The following SSMEM1 variants were observed in gnomAD, a reference collection of about 807,000 sequenced individuals.
SSMEM1 encodes serine-rich single-pass membrane protein 1.
A neutral mutation model predicts 9.9 loss-of-function variants in SSMEM1; 12 were observed. The observed-to-expected ratio is 1.21, with a 90% confidence interval of 0.78 to 1.96. The LOEUF (loss-of-function observed/expected upper bound fraction) is 1.96, where lower values mean the gene tolerates loss of function less well. SSMEM1 is among the 30% of genes most tolerant of loss of function. SSMEM1 has a pLI of 0.00. For synonymous variants in SSMEM1, 96 were observed against 98.9 expected (o/e 0.97, Z 0.17); for missense variants, 259 against 292.2 (o/e 0.89, Z 0.83).
intron 1 of SSMEM1, among the ~76,000 whole-genome samples, chr7:130,212,557 C>G (rs560158249): frequency 1.1e-4 from 16 of 152,080 alleles, no homozygotes; most frequent in African/African-American, 3.4e-4. Flanking sequence ...GAAACCCTGT[C>G]TCTACTAAAA....
intron 2 of SSMEM1, among the ~76,000 whole-genome samples, chr7:130,215,577 A>G (rs886284292): frequency 6.6e-6 from 1 of 152,202 alleles, no homozygotes; most frequent in East Asian, 1.9e-4. Flanking sequence ...TCCTCACACC[A>G]CTACGTAAAG....
At position 130,216,504 on chromosome 7, in the gene SSMEM1, A is replaced by T; in HGVS notation, c.*34A>T. 6.3e-7 allele frequency: 1 copy of T among 1,590,636 alleles called. No homozygotes were observed. Among genetic ancestry groups the T allele is most frequent in the Non-Finnish European group, 8.6e-7 (1 of 1,167,620 alleles). On this transcript the variant is annotated 3_prime_UTR_variant, in exon 3 of 3. Transcript: ENST00000297819. ...ACGTTCTTCCTTCACTTGAAGCCAAATGAAAGAGATGAATAAAACATGAAA... is the reference window on the plus strand; with the variant it reads ...ACGTTCTTCCTTCACTTGAAGCCAATTGAAAGAGATGAATAAAACATGAAA...
intron 1 of SSMEM1, among the ~76,000 whole-genome samples, chr7:130,210,430 A>G (rs1310160803): frequency 3.3e-5 from 5 of 152,232 alleles, no homozygotes; most frequent in African/African-American, 9.6e-5. Context: ...ATCCTCCAAC[A>G]TGAAGCACGC....
In SSMEM1 at chr7:130,212,394, T is replaced by TATCAGTA. The variant is rs1798607557; in HGVS notation, c.184-1083_184-1077dup. On this transcript the variant is annotated intron_variant, in intron 1 of 2. Coordinates refer to ENST00000297819, the MANE Select transcript of SSMEM1 (RefSeq NM_145268.4). ...GTAGATGTCTTCTGTCTTAAAGAACTATCAGTAATGTACCCTGATCAAGTG... is the reference window on the plus strand; with the variant it reads ...GTAGATGTCTTCTGTCTTAAAGAACTATCAGTAATCAGTAATGTACCCTGATCAAGTG... Among the ~76,000 whole-genome samples the TATCAGTA allele has an allele frequency of 2.0e-5, 3 of 152,174 alleles. No homozygotes were observed. The South Asian group carries it at 6.2e-4, about 32-fold the overall frequency.
At position 130,216,584 on chromosome 7, in the gene SSMEM1, A is replaced by C. The variant is rs148606228; in HGVS notation, c.*114A>C. ...TTACAACAAAGTCTCTCTACCAACA[A>C]ACAAAAACATACTTGGAACCCAAGA... On this transcript the variant is annotated 3_prime_UTR_variant, in exon 3 of 3. Transcript: ENST00000297819. The C allele has an allele frequency of 7.6e-6, 10 of 1,308,688 alleles. No homozygotes were observed. The East Asian group carries it at 2.1e-4, about 27-fold the overall frequency. 81.1% of individuals were successfully genotyped at this position (1,308,688 alleles called of 1,614,324 possible).
At chr7:130,213,845 C>T (rs1798652987) in intron 2 of SSMEM1, among the ~76,000 whole-genome samples, 1 of 151,826 alleles carries the variant, frequency 6.6e-6, no homozygotes. Flanking sequence ...TAGAGGAGGC[C>T]CATTGGGGTT....
chr7:130,207,318 C>G (rs894730021), upstream of SSMEM1, among the ~76,000 whole-genome samples: 12 of 152,304 alleles, frequency 7.9e-5, no homozygotes, highest in Admixed American at 7.2e-4. Context: ...TGAGGCGGGT[C>G]TCCTTGCAGA....
intron 1 of SSMEM1, among the ~76,000 whole-genome samples, chr7:130,208,660 A>G (rs1445081718): frequency 6.6e-6 from 1 of 152,214 alleles, no homozygotes; most frequent in Non-Finnish European, 1.5e-5. Flanking sequence ...GATTCTAATC[A>G]AAGATATGAA....
chr7:130,216,122 C>G lies in SSMEM1; in HGVS notation c.387C>G (p.Ala129=). The change falls in exon 3 of 3, where the codon GCC becomes GCG. Residue 129 remains alanine, a synonymous_variant. Transcript: ENST00000297819. ...ATGCCTATCCTGAACAAAGACGAGCCAGGCGCCAGTCTCAGTTCAATGAGG... is the reference window on the plus strand; with the variant it reads ...ATGCCTATCCTGAACAAAGACGAGCGAGGCGCCAGTCTCAGTTCAATGAGG... The part of the protein sequence containing the change: ...LVNAYPEQRR[A]RRQSQFNEVN... The G allele has an allele frequency of 6.2e-7, 1 of 1,614,186 alleles. No individual in the cohort carries two copies. The highest frequency in any genetic ancestry group is 1.3e-5 in the African/African-American group (1 of 75,056).
intron 1 of SSMEM1, among the ~76,000 whole-genome samples, chr7:130,209,656 T>G (rs1467846731): frequency 1.3e-5 from 2 of 152,242 alleles, no homozygotes; most frequent in African/African-American, 4.8e-5. Context: ...CTTGGCTCAC[T>G]GCAACCTCAG....
intron 1 of SSMEM1, 115 bp downstream of exon 1, chr7:130,208,208 A>G (rs557867658): frequency 9.9e-7 from 1 of 1,009,766 alleles, no homozygotes; most frequent in Non-Finnish European, 1.4e-6. Context: ...TTTAGTTTTA[A>G]AAATAATGCA....
At position 130,216,592 on chromosome 7, in the gene SSMEM1, C is replaced by A; in HGVS notation, c.*122C>A. ...AAGTCTCTCTACCAACAAACAAAAA[C>A]ATACTTGGAACCCAAGAGGTAAAAT... On this transcript the variant is annotated 3_prime_UTR_variant, in exon 3 of 3. Coordinates refer to ENST00000297819, the MANE Select transcript of SSMEM1 (RefSeq NM_145268.4). The A allele has an allele frequency of 8.0e-7, 1 of 1,245,510 alleles. No homozygotes were observed. Among genetic ancestry groups the A allele is most frequent in the Non-Finnish European group, 1.1e-6 (1 of 902,596 alleles). The allele number at this position is 1,245,510 out of a possible 1,614,324, so 77.2% of individuals were successfully genotyped here.
At chr7:130,211,253 G>A (rs1798586342) in intron 1 of SSMEM1, among the ~76,000 whole-genome samples, 1 of 151,072 alleles carries the variant, frequency 6.6e-6, no homozygotes, top group Non-Finnish European at 1.5e-5. Flanking sequence ...CGCCTCTCAG[G>A]TTCACACCAT....
intron 2 of SSMEM1, 21 bp downstream of exon 2, chr7:130,213,555 G>C: frequency 6.2e-7 from 1 of 1,607,392 alleles, no homozygotes; most frequent in Non-Finnish European, 8.5e-7. Context: ...GTGCATATTT[G>C]GTGTTGGACT....
chr7:130,213,027 T>C (rs1264127474), intron 1 of SSMEM1, among the ~76,000 whole-genome samples: 1 of 152,164 alleles, frequency 6.6e-6, no homozygotes, highest in Non-Finnish European at 1.5e-5. Context: ...ACTCAGTAAG[T>C]ACTTGTTTAA....
chr7:130,214,333 G>A (rs533019310), intron 2 of SSMEM1, among the ~76,000 whole-genome samples: 3 of 152,040 alleles, frequency 2.0e-5, no homozygotes, highest in Non-Finnish European at 4.4e-5. Context: ...AATCACTTGA[G>A]CCCAGGAGTT....
chr7:130,212,780 CTA>C (rs1422116482), intron 1 of SSMEM1, among the ~76,000 whole-genome samples: 3 of 151,646 alleles, frequency 2.0e-5, no homozygotes, highest in Non-Finnish European at 4.4e-5. Flanking sequence ...AACAACTAAA[CTA>C]ATCTGAGTAC....
At position 130,215,309 on chromosome 7, in the gene SSMEM1, C is replaced by CA. The variant is rs560790021; in HGVS notation, c.239-656dup. Among the ~76,000 whole-genome samples the CA allele has an allele frequency of 2.4e-3, 352 of 148,930 alleles. 2 individuals carry two copies. The highest frequency in any genetic ancestry group is 8.3e-3 in the South Asian group (39 of 4,690). Reference sequence around the variant, plus strand: ...ACAGAGCGAGACTCCATCTCAAAAACAAAAAAAAACAAAACAAAAAAACAG... The same window carrying CA: ...ACAGAGCGAGACTCCATCTCAAAAACAAAAAAAAAACAAAACAAAAAAACAG... On this transcript the variant is annotated intron_variant, in intron 2 of 2. Transcript: ENST00000297819.
intron 2 of SSMEM1, among the ~76,000 whole-genome samples, chr7:130,213,934 G>A (rs1259609284): frequency 6.6e-6 from 1 of 152,110 alleles, no homozygotes; most frequent in Non-Finnish European, 1.5e-5. Flanking sequence ...TTACTGGGAG[G>A]TGGAACTCAA....
Sources: allele counts gnomAD v4.1 joint callset (sites outside exome capture counted in the v4.1 genomes callset), GRCh38; gene constraint gnomAD v4.1.1; transcripts MANE v1.5; gene names NCBI Gene and HGNC (gene_info 2026-07-23, HGNC 2026-07-21).